Variants in CSMD1 observed in about 807,000 individuals in gnomAD.
CSMD1 encodes the protein CUB and sushi domain-containing protein 1.
A neutral mutation model predicts 417.5 loss-of-function variants in CSMD1; 213 were observed. The ratio of observed to expected loss-of-function variants is 0.51; its 90% CI spans 0.46 to 0.57. The LOEUF (loss-of-function observed/expected upper bound fraction) is 0.57. Ranked by LOEUF, CSMD1 falls within the 20% of genes least tolerant of loss-of-function variation. CSMD1 has a pLI of 0.00. For missense variants in CSMD1, 6,923 were observed against 4,529.7 expected, an observed-to-expected ratio of 1.53 and a Z score of -15.17; for synonymous variants, 2,862 against 1,736.8, an observed-to-expected ratio of 1.65 and a Z score of -16.11.
chr8:4,352,227 G>T (rs1004352867), intron 3 of CSMD1, among the ~76,000 whole-genome samples: 1 of 152,318 alleles, frequency 6.6e-6, no homozygotes, highest in East Asian at 1.9e-4. Flanking sequence ...TAATGCAATT[G>T]TAAGCACCAA....
At chr8:3,252,095 T>G (rs1209346927) in intron 26 of CSMD1, among the ~76,000 whole-genome samples, 1 of 152,228 alleles carries the variant, frequency 6.6e-6, no homozygotes, top group Non-Finnish European at 1.5e-5. Flanking sequence ...CTTCCAACAC[T>G]ATGTTGAATA....
intron 1 of CSMD1, among the ~76,000 whole-genome samples, chr8:4,776,933 C>T (rs191096548): frequency 3.2e-4 from 48 of 152,228 alleles, no homozygotes; most frequent in Non-Finnish European, 5.1e-4. Context: ...AGATTAAAGG[C>T]ACTGGTGTTT....
chr8:3,881,750 G>A (rs762010470), intron 5 of CSMD1, among the ~76,000 whole-genome samples: 2 of 151,906 alleles, frequency 1.3e-5, no homozygotes, highest in Non-Finnish European at 2.9e-5. Context: ...ATTTACTCCA[G>A]AAATTAATTA....
intron 12 of CSMD1, among the ~76,000 whole-genome samples, chr8:3,458,305 A>T (rs959569715): frequency 1.3e-5 from 2 of 152,176 alleles, no homozygotes; most frequent in African/African-American, 4.8e-5. Flanking sequence ...ATATGTGCTG[A>T]TATATTTAAA....
chr8:3,753,801 A>G, intron 6 of CSMD1, 129 bp downstream of exon 6: 1 of 586,648 alleles, frequency 1.7e-6, no homozygotes, highest in Non-Finnish European at 3.0e-6. Context: ...TTCCAAAGAT[A>G]ACTGTGAATA....
chr8:4,022,212 G>A (rs1207414211), intron 4 of CSMD1, among the ~76,000 whole-genome samples: 3 of 146,156 alleles, frequency 2.1e-5, no homozygotes, highest in Non-Finnish European at 3.0e-5. Flanking sequence ...CAATAGCATT[G>A]TTATTGGTAA....
intron 2 of CSMD1, among the ~76,000 whole-genome samples, chr8:4,501,321 G>C (rs746646087): frequency 6.6e-6 from 1 of 152,072 alleles, no homozygotes. Flanking sequence ...TTGTCTTAAT[G>C]TAAGATTAAC....
At chr8:3,922,363 A>C (rs1032962344) in intron 5 of CSMD1, among the ~76,000 whole-genome samples, 1 of 152,246 alleles carries the variant, frequency 6.6e-6, no homozygotes, top group South Asian at 2.1e-4. Flanking sequence ...AAAATTAAGT[A>C]ACTTACACAT....
chr8:3,739,293 T>C (rs561943815), intron 6 of CSMD1, among the ~76,000 whole-genome samples: 1 of 152,322 alleles, frequency 6.6e-6, no homozygotes, highest in South Asian at 2.1e-4. Context: ...TTAGAAAGAA[T>C]ACAAAATTAC....
intron 1 of CSMD1, among the ~76,000 whole-genome samples, chr8:4,939,622 G>A (rs1050460057): frequency 1.3e-5 from 2 of 150,482 alleles, no homozygotes; most frequent in Non-Finnish European, 3.0e-5. Context: ...GAGTAGAACG[G>A]CCATTAACAA....
chr8:4,216,346 T>C (rs961030074), intron 3 of CSMD1, among the ~76,000 whole-genome samples: 5 of 152,190 alleles, frequency 3.3e-5, no homozygotes, highest in Admixed American at 2.0e-4. Flanking sequence ...TCAGTTCCCT[T>C]GATCTCATCA....
intron 4 of CSMD1, among the ~76,000 whole-genome samples, chr8:4,031,095 C>T (rs1204472608): frequency 6.6e-6 from 1 of 152,184 alleles, no homozygotes; most frequent in Non-Finnish European, 1.5e-5. Flanking sequence ...AAACTTCCCA[C>T]ATTTTCCTGT....
chr8:4,417,120 T>C lies in CSMD1; in HGVS notation c.415+2833A>G, dbSNP rs147581756. On this transcript the variant is annotated intron_variant, in intron 3 of 69. Coordinates refer to ENST00000635120, the MANE Select transcript of CSMD1 (RefSeq NM_033225.6). ...GTTAAAATGTGTTAATTTGAATATA[T>C]ACACTTAATTGCTGAGACTTGCTGA... Among the ~76,000 whole-genome samples the C allele has an allele frequency of 7.7e-3, 1,175 of 152,200 alleles. 22 individuals carry two copies. The highest frequency in any genetic ancestry group is 0.027 in the African/African-American group (1,126 of 41,576).
chr8:4,178,923 A>T (rs1302607099), intron 3 of CSMD1, among the ~76,000 whole-genome samples: 1 of 152,166 alleles, frequency 6.6e-6, no homozygotes, highest in Non-Finnish European at 1.5e-5. Context: ...CAATGAAATA[A>T]GAGAAGATAC....
intron 1 of CSMD1, among the ~76,000 whole-genome samples, chr8:4,936,106 A>G (rs929371225): frequency 2.0e-5 from 3 of 152,220 alleles, no homozygotes; most frequent in African/African-American, 7.2e-5. Flanking sequence ...AGGTAATTAC[A>G]GTTATAAAAA....
intron 1 of CSMD1, among the ~76,000 whole-genome samples, chr8:4,799,122 G>T (rs957282248): frequency 6.6e-6 from 1 of 152,084 alleles, no homozygotes; most frequent in Non-Finnish European, 1.5e-5. Flanking sequence ...CACGCCCCTG[G>T]GATCTTGATC....
In CSMD1 at chr8:4,888,529, G is replaced by A. The variant is rs1177676389; in HGVS notation, c.85+105803C>T. The stretch of plus-strand genomic sequence containing the variant: ...TGAGAGAGAGAGAGAGAGAGAGAGA[G>A]GTATGTGTGTGTTTATGTGAGAGTC... On this transcript the variant is annotated intron_variant, in intron 1 of 69. Transcript: ENST00000635120. Among the ~76,000 whole-genome samples, 8 of 151,768 alleles carry A rather than the reference G, an allele frequency of 5.3e-5. 1 individual carries two copies. Among genetic ancestry groups the A allele is most frequent in the African/African-American group, 1.9e-4 (8 of 41,226 alleles).
chr8:3,531,162 A>T (rs1445584181), intron 10 of CSMD1, among the ~76,000 whole-genome samples: 1 of 152,044 alleles, frequency 6.6e-6, no homozygotes, highest in Non-Finnish European at 1.5e-5. Context: ...CACCTGGCCC[A>T]TACTACTTTA....
In CSMD1 at chr8:4,838,899, A is replaced by G. The variant is rs576225149; in HGVS notation, c.85+155433T>C. ...CTTTTGTTCTACTGCCCAGAACTTAAGCTCTAAAGGTTACATAAACTTATT... is the reference window on the plus strand; with the variant it reads ...CTTTTGTTCTACTGCCCAGAACTTAGGCTCTAAAGGTTACATAAACTTATT... On this transcript the variant is annotated intron_variant, in intron 1 of 69. Coordinates refer to ENST00000635120, the MANE Select transcript of CSMD1 (RefSeq NM_033225.6). Among the ~76,000 whole-genome samples the G allele has an allele frequency of 1.3e-4, 20 of 152,342 alleles. No individual in the cohort carries two copies. The South Asian group carries it at 4.1e-3, about 32-fold the overall frequency.
Sources: gnomAD v4.1 joint callset for allele counts (sites outside exome capture counted in the v4.1 genomes callset) on GRCh38, gnomAD v4.1.1 for gene constraint, MANE v1.5 for transcripts, NCBI Gene and HGNC (gene_info 2026-07-23, HGNC 2026-07-21) for gene names.